Variants in EVA1C observed in about 807,000 individuals in gnomAD.
The protein encoded by EVA1C is eva-1 homolog C, also known as protein eva-1 homolog C.
In EVA1C, 25 loss-of-function variants were observed where a neutral mutation model predicts 45.4. The observed-to-expected ratio is 0.55, with a 90% CI of 0.40 to 0.77. The LOEUF (loss-of-function observed/expected upper bound fraction) is 0.77, where lower values mean the gene tolerates loss of function less well. EVA1C is among the 30% of genes least tolerant of loss of function. The pLI, the probability that EVA1C is intolerant of heterozygous loss-of-function variation, is 0.00. For synonymous variants in EVA1C, 190 were observed against 221.2 expected (o/e 0.86, Z 1.25); for missense variants, 479 against 554.8 (o/e 0.86, Z 1.37).
chr21:32,444,770 C>A (rs1170721662), intron 1 of EVA1C, among the ~76,000 whole-genome samples: 1 of 150,712 alleles, frequency 6.6e-6, no homozygotes, highest in Non-Finnish European at 1.5e-5. Context: ...AGGGACCAGT[C>A]CCCATCCTGA....
chr21:32,514,142 G>T (rs1001341723), intron 7 of EVA1C, among the ~76,000 whole-genome samples: 3 of 152,156 alleles, frequency 2.0e-5, no homozygotes, highest in Admixed American at 2.0e-4. Flanking sequence ...TCAAGCGTCC[G>T]TGAATTTTGG....
chr21:32,480,686 G>A, intron 4 of EVA1C, among the ~76,000 whole-genome samples: 1 of 151,564 alleles, frequency 6.6e-6, no homozygotes, highest in Non-Finnish European at 1.5e-5. Flanking sequence ...TTTTTTGCCG[G>A]ACACAGTGGC....
chr21:32,504,372 C>T (rs2037655878), intron 7 of EVA1C, among the ~76,000 whole-genome samples: 1 of 152,162 alleles, frequency 6.6e-6, no homozygotes, highest in South Asian at 2.1e-4. Context: ...GAAAAATGAG[C>T]CAGAAGGTCA....
At chr21:32,439,027 GGAGTTAGA>G (rs1191881547) in intron 1 of EVA1C, among the ~76,000 whole-genome samples, 2 of 151,924 alleles carry the variant, frequency 1.3e-5, no homozygotes, top group Non-Finnish European at 2.9e-5. Flanking sequence ...CTTGAAGTCG[GGAGTTAGA>G]GACCAGCCTG....
At chr21:32,421,809 C>T (rs549211364) in intron 1 of EVA1C, among the ~76,000 whole-genome samples, 13 of 152,090 alleles carry the variant, frequency 8.5e-5, no homozygotes, top group South Asian at 2.1e-4. Context: ...TTTGGGAGGC[C>T]GACGTGGGTG....
chr21:32,448,030 C>G (rs769635119), intron 1 of EVA1C, among the ~76,000 whole-genome samples: 4 of 152,122 alleles, frequency 2.6e-5, no homozygotes, highest in Non-Finnish European at 4.4e-5. Context: ...CAACCTTTTC[C>G]GAACAAGCTT....
At chr21:32,510,447 G>A (rs2037911071) in intron 7 of EVA1C, among the ~76,000 whole-genome samples, 1 of 152,174 alleles carries the variant, frequency 6.6e-6, no homozygotes, top group African/African-American at 2.4e-5. Flanking sequence ...GTGACCCAAT[G>A]TGTGTTTCTT....
intron 1 of EVA1C, among the ~76,000 whole-genome samples, chr21:32,419,935 T>A (rs1486943865): frequency 2.0e-5 from 3 of 152,156 alleles, no homozygotes; most frequent in Admixed American, 6.5e-5. Context: ...CCTACAGTCA[T>A]GAAGATTTTA....
chr21:32,432,073 G>A (rs1054305868), intron 1 of EVA1C, among the ~76,000 whole-genome samples: 8 of 151,904 alleles, frequency 5.3e-5, no homozygotes, highest in Non-Finnish European at 8.8e-5. Context: ...CTTGAAGAAC[G>A]CAAGATGGTT....
At chr21:32,495,405 T>G (rs2037318041) in intron 5 of EVA1C, among the ~76,000 whole-genome samples, 1 of 152,150 alleles carries the variant, frequency 6.6e-6, no homozygotes, top group Admixed American at 6.6e-5. Flanking sequence ...AAAGCACCTT[T>G]AGCAATCAGA....
chr21:32,485,973 T>C lies in EVA1C; in HGVS notation c.635-9054T>C, dbSNP rs781547230. Among the ~76,000 whole-genome samples the C allele has an allele frequency of 4.6e-5, 7 of 152,350 alleles. No homozygotes were observed. In the Middle Eastern group the frequency reaches 0.01, roughly 222 times the overall value. On this transcript the variant is annotated intron_variant, in intron 4 of 7. Coordinates refer to ENST00000300255, the MANE Select transcript of EVA1C (RefSeq NM_058187.5). Reference sequence around the variant, plus strand: ...CCAGTGACCCAGGGATCCAGGCCTCTTCCACCTTGTAAGGTTTCGGCATAA... The same window carrying C: ...CCAGTGACCCAGGGATCCAGGCCTCCTCCACCTTGTAAGGTTTCGGCATAA...
intron 1 of EVA1C, among the ~76,000 whole-genome samples, chr21:32,427,712 A>T (rs2034543452): frequency 6.7e-6 from 1 of 148,468 alleles, no homozygotes; most frequent in East Asian, 2.0e-4. Context: ...TCTCCATCTC[A>T]GGGGAAAAAA....
At chr21:32,501,380 C>T in intron 5 of EVA1C, 35 bp from the exon 6 acceptor site, 2 of 1,562,432 alleles carry the variant, frequency 1.3e-6, no homozygotes, top group South Asian at 1.2e-5. Context: ...TAAAAATATA[C>T]CACGAATTTA....
intron 1 of EVA1C, among the ~76,000 whole-genome samples, chr21:32,431,052 A>T (rs2146158059): frequency 6.6e-6 from 1 of 151,886 alleles, no homozygotes; most frequent in African/African-American, 2.4e-5. Flanking sequence ...TGATTCAGTT[A>T]CCTCCCACTA....
chr21:32,512,633 C>G (rs1404604442), intron 7 of EVA1C, among the ~76,000 whole-genome samples: 1 of 152,152 alleles, frequency 6.6e-6, no homozygotes, highest in Non-Finnish European at 1.5e-5. Flanking sequence ...GGAATTGTTT[C>G]TGTCCAGATC....
rs144236582 is a variant in EVA1C at position 32,457,793 on chromosome 21, C to A, written c.481+73C>A. Reference sequence around the variant, plus strand: ...TTCCTTCACACTCCTGGTCAAAATTCTCTGCCCGTTGGCATTTGTCCAACT... The same window carrying A: ...TTCCTTCACACTCCTGGTCAAAATTATCTGCCCGTTGGCATTTGTCCAACT... On this transcript the variant is annotated intron_variant, in intron 3 of 7. Coordinates refer to ENST00000300255, the MANE Select transcript of EVA1C (RefSeq NM_058187.5). The A allele has an allele frequency of 4.7e-4, 741 of 1,572,938 alleles. 3 individuals are homozygous for A. The African/African-American group carries it at 8.7e-3, about 19-fold the overall frequency.
intron 3 of EVA1C, among the ~76,000 whole-genome samples, chr21:32,462,616 C>A (rs1316461048): frequency 6.6e-6 from 1 of 152,228 alleles, no homozygotes; most frequent in Non-Finnish European, 1.5e-5. Flanking sequence ...CTCTGCCACA[C>A]TGTGACATGT....
At chr21:32,426,705 A>T (rs914033983) in intron 1 of EVA1C, among the ~76,000 whole-genome samples, 2 of 152,152 alleles carry the variant, frequency 1.3e-5, no homozygotes, top group African/African-American at 4.8e-5. Context: ...CTCCTCTGAA[A>T]TGGTAACTAC....
At chr21:32,430,059 G>A (rs1192665822) in intron 1 of EVA1C, among the ~76,000 whole-genome samples, 2 of 152,170 alleles carry the variant, frequency 1.3e-5, no homozygotes, top group African/African-American at 4.8e-5. Flanking sequence ...GTGAGACTAG[G>A]GCAGGGCAGA....
Sources: gnomAD v4.1 joint callset for allele counts (sites outside exome capture counted in the v4.1 genomes callset) on GRCh38, gnomAD v4.1.1 for gene constraint, MANE v1.5 for transcripts, NCBI Gene and HGNC (gene_info 2026-07-23, HGNC 2026-07-21) for gene names.